FSIP1: variants seen among roughly 807,000 people sequenced by gnomAD.
FSIP1 encodes the protein fibrous sheath interacting protein 1, also known as fibrous sheath-interacting protein 1.
Under a neutral mutation model 60.9 loss-of-function variants are expected in FSIP1, and 65 were observed. That is an observed-to-expected ratio of 1.07 (90% CI 0.87 to 1.31). The LOEUF (loss-of-function observed/expected upper bound fraction) is 1.31. FSIP1 is among the 40% of genes most tolerant of loss of function. The pLI, the probability that FSIP1 is intolerant of heterozygous loss-of-function variation, is 0.00. For missense variants in FSIP1, 675 were observed against 665.5 expected, an observed-to-expected ratio of 1.01 and a Z score of -0.16; for synonymous variants, 209 against 221.2, an observed-to-expected ratio of 0.94 and a Z score of 0.49.
intron 10 of FSIP1, among the ~76,000 whole-genome samples, chr15:39,680,339 T>C (rs954208857): frequency 1.3e-5 from 2 of 152,198 alleles, no homozygotes; most frequent in Non-Finnish European, 2.9e-5. Flanking sequence ...GACAATGCTA[T>C]AGATGGGGTG....
intron 6 of FSIP1, among the ~76,000 whole-genome samples, chr15:39,740,068 T>C (rs930215920): frequency 1.3e-5 from 2 of 152,186 alleles, no homozygotes; most frequent in African/African-American, 4.8e-5. Context: ...TGATGGGAAA[T>C]ATCAATAGAA....
chr15:39,686,225 T>C (rs959245306), intron 10 of FSIP1, among the ~76,000 whole-genome samples: 4 of 152,218 alleles, frequency 2.6e-5, no homozygotes, highest in Non-Finnish European at 4.4e-5. Context: ...GACCACTAGG[T>C]GGCACCTTCA....
chr15:39,763,060 A>T (rs914676325), intron 5 of FSIP1, among the ~76,000 whole-genome samples: 3 of 152,218 alleles, frequency 2.0e-5, no homozygotes, highest in Non-Finnish European at 2.9e-5. Flanking sequence ...CTAAAATATT[A>T]ATAGTGGTTA....
chr15:39,609,055 C>T (rs1890927917), intron 11 of FSIP1, among the ~76,000 whole-genome samples: 1 of 152,122 alleles, frequency 6.6e-6, no homozygotes, highest in Non-Finnish European at 1.5e-5. Flanking sequence ...CATTCTGGGA[C>T]CCTGAGCAGG....
At chr15:39,767,252 A>G (rs967263803) in intron 3 of FSIP1, among the ~76,000 whole-genome samples, 5 of 152,230 alleles carry the variant, frequency 3.3e-5, no homozygotes, top group African/African-American at 1.2e-4. Flanking sequence ...TATGTACTTC[A>G]AAAGCAACAC....
chr15:39,780,431 A>G (rs1438627280), intron 1 of FSIP1, among the ~76,000 whole-genome samples: 1 of 152,208 alleles, frequency 6.6e-6, no homozygotes, highest in Admixed American at 6.5e-5. Flanking sequence ...AGGCTAAGGC[A>G]GGAGAATGGC....
Position 39,716,062 on chromosome 15 carries a change from A to G in FSIP1, c.1051-2481T>C, listed in dbSNP as rs548457922. Among the ~76,000 whole-genome samples, 22 of 152,330 alleles carry G rather than the reference A, an allele frequency of 1.4e-4. No individual in the cohort carries two copies. In the South Asian group the frequency reaches 4.6e-3, roughly 32 times the overall value. ...AGGTATTTCTTTATAGCAGTGAAAG[A>G]ACAGACTAATACACATCTAGAGGCT... On this transcript the variant is annotated intron_variant, in intron 9 of 11. Transcript: ENST00000350221.
At chr15:39,651,921 T>TA (rs1330379847) in intron 10 of FSIP1, among the ~76,000 whole-genome samples, 1 of 152,228 alleles carries the variant, frequency 6.6e-6, no homozygotes, top group Non-Finnish European at 1.5e-5. Flanking sequence ...TTAATGCAAT[T>TA]AAATGGGGAA....
intron 4 of FSIP1, 46 bp downstream of exon 4, chr15:39,765,546 G>A (rs773739985): frequency 1.4e-6 from 2 of 1,432,004 alleles, no homozygotes; most frequent in Non-Finnish European, 1.9e-6. Flanking sequence ...GCCCAGCCAG[G>A]AGAATTTATT....
intron 5 of FSIP1, among the ~76,000 whole-genome samples, chr15:39,758,733 G>GA (rs954951671): frequency 3.3e-5 from 5 of 151,182 alleles, no homozygotes; most frequent in Admixed American, 1.3e-4. Flanking sequence ...GCTAAACTCA[G>GA]AAAAAAAATA....
chr15:39,682,524 G>A (rs1378118095), intron 10 of FSIP1, among the ~76,000 whole-genome samples: 3 of 152,210 alleles, frequency 2.0e-5, no homozygotes, highest in African/African-American at 7.2e-5. Flanking sequence ...GGGTGAGGGG[G>A]TGACTGTGCA....
intron 10 of FSIP1, among the ~76,000 whole-genome samples, chr15:39,709,460 C>T (rs1189403298): frequency 6.6e-6 from 1 of 152,146 alleles, no homozygotes; most frequent in African/African-American, 2.4e-5. Flanking sequence ...AAGATTTAAT[C>T]CAATTAATAA....
At position 39,741,875 on chromosome 15, in the gene FSIP1, G is replaced by A. The variant is rs558507119; in HGVS notation, c.585C>T (p.Thr195=). ...TTTGAGTATGAAACACTGAGGAAAA[G>A]GTGTCTTCCTCCTCATGAGAAGGAC... ...TVGPSHEEED[T]FSSVFHTQIP... is the part of the protein sequence containing the mutation. The change falls in exon 6 of 12, where the codon ACC becomes ACT. Residue 195 remains threonine, a synonymous_variant. Transcript: ENST00000350221. The A allele has an allele frequency of 1.2e-4, 196 of 1,600,412 alleles. 2 individuals are homozygous for A. In the South Asian group the frequency reaches 2.1e-3, roughly 17 times the overall value.
At chr15:39,733,432 A>G (rs1453325576) in intron 8 of FSIP1, among the ~76,000 whole-genome samples, 1 of 152,220 alleles carries the variant, frequency 6.6e-6, no homozygotes, top group Non-Finnish European at 1.5e-5. Flanking sequence ...AGGAGCTCGT[A>G]TGTACAAAAT....
chr15:39,659,100 G>A (rs899989352), intron 10 of FSIP1, among the ~76,000 whole-genome samples: 7 of 152,190 alleles, frequency 4.6e-5, no homozygotes, highest in African/African-American at 1.7e-4. Context: ...GAAATGTCCA[G>A]GCTATGAAAA....
chr15:39,739,125 G>C (rs1034077899), intron 7 of FSIP1, among the ~76,000 whole-genome samples: 5 of 152,186 alleles, frequency 3.3e-5, no homozygotes, highest in Non-Finnish European at 4.4e-5. Flanking sequence ...AGGCTGCAAG[G>C]CCTGTAAGAC....
In FSIP1 at chr15:39,713,448, T is replaced by G; in HGVS notation, c.1184A>C (p.Asn395Thr). ...IDEKLKMMKE[N>T]VLESTSCLSE... ...AATTAAAACAAAAAGACTTACCACA[T>G]TTTCCTTCATCATTTTCAGCTTTTC... The change falls in exon 10 of 12, where the codon AAT becomes ACT. Residue 395 changes from asparagine (N) to threonine (T), a missense_variant. Coordinates refer to ENST00000350221, the MANE Select transcript of FSIP1 (RefSeq NM_152597.5). 6.3e-7 allele frequency: 1 copy of G among 1,590,496 alleles called. No homozygotes were observed. The highest frequency in any genetic ancestry group is 1.2e-5 in the South Asian group (1 of 85,804).
chr15:39,678,167 C>G (rs1894019135), intron 10 of FSIP1, among the ~76,000 whole-genome samples: 1 of 151,644 alleles, frequency 6.6e-6, no homozygotes, highest in African/African-American at 2.4e-5. Context: ...GAAAATACAC[C>G]AAATTGTTAA....
intron 6 of FSIP1, 58 bp downstream of exon 6, chr15:39,741,746 CT>C: frequency 3.6e-6 from 3 of 825,080 alleles, no homozygotes; most frequent in Non-Finnish European, 6.1e-6. Flanking sequence ...ATGAATATTT[CT>C]GTATACAGCC....
Sources: gnomAD v4.1 joint callset for allele counts (sites outside exome capture counted in the v4.1 genomes callset) on GRCh38, gnomAD v4.1.1 for gene constraint, MANE v1.5 for transcripts, NCBI Gene and HGNC (gene_info 2026-07-23, HGNC 2026-07-21) for gene names.